ZNF521: variants seen among roughly 807,000 people sequenced by gnomAD.
ZNF521 encodes the protein LYST-interacting protein 3.
In ZNF521, 14 loss-of-function variants were observed where a neutral mutation model predicts 105.5. The ratio of observed to expected loss-of-function variants is 0.13; its 90% CI spans 0.09 to 0.21. The LOEUF (loss-of-function observed/expected upper bound fraction) is 0.21, where lower values mean the gene tolerates loss of function less well. ZNF521 is among the 10% of genes least tolerant of loss of function. ZNF521 has a pLI of 1.00. For missense variants in ZNF521, 1,233 were observed against 1,629.7 expected, an observed-to-expected ratio of 0.76 and a Z score of 4.19; for synonymous variants, 635 against 606.0, an observed-to-expected ratio of 1.05 and a Z score of -0.70.
intron 5 of ZNF521, among the ~76,000 whole-genome samples, chr18:25,160,620 G>A (rs1423611303): frequency 1.3e-5 from 2 of 152,178 alleles, no homozygotes; most frequent in Non-Finnish European, 2.9e-5. Context: ...CCACAGATAA[G>A]TTCGCGCATA....
intron 7 of ZNF521, among the ~76,000 whole-genome samples, chr18:25,075,908 G>A (rs148146552): frequency 2.0e-5 from 3 of 152,306 alleles, no homozygotes; most frequent in East Asian, 3.9e-4. Flanking sequence ...CTGCAATGCA[G>A]TGTGTGTCAG....
Position 25,225,213 on chromosome 18 carries a change from T to C in ZNF521, c.2705A>G (p.Gln902Arg), listed in dbSNP as rs1906030484. ...GAAYTMETLL[Q>R]NHQLRDHNIR... is the part of the protein sequence containing the mutation. ...GTTGTGGTCTCGGAGCTGGTGATTCTGCAGCAAAGTTTCCATAGTGTAGGC... is the reference window on the plus strand; with the variant it reads ...GTTGTGGTCTCGGAGCTGGTGATTCCGCAGCAAAGTTTCCATAGTGTAGGC... The change falls in exon 4 of 8, where the codon CAG becomes CGG. Residue 902 changes from glutamine to arginine, a missense_variant. Around this residue, in one of 6 missense-constraint regions of ZNF521, gnomAD observed 614 missense variants for 751.5 expected, o/e 0.82. Coordinates refer to ENST00000361524, the MANE Select transcript of ZNF521 (RefSeq NM_015461.3). This position sits in a 1 kb window ranked among gnomAD's most constrained non-coding sequence, Gnocchi z 5.6. 6.2e-7 allele frequency: 1 copy of C among 1,614,088 alleles called. No homozygotes were observed. Among genetic ancestry groups the C allele is most frequent in the South Asian group, 1.1e-5 (1 of 91,088 alleles).
chr18:25,218,662 ACC>A (rs1469470539), intron 4 of ZNF521, among the ~76,000 whole-genome samples: 3 of 146,208 alleles, frequency 2.1e-5, no homozygotes, highest in African/African-American at 7.8e-5. Flanking sequence ...AGAGAAAAAA[ACC>A]CGTCTCTACT....
At chr18:25,181,415 G>A (rs1288775818) in intron 5 of ZNF521, among the ~76,000 whole-genome samples, 1 of 152,138 alleles carries the variant, frequency 6.6e-6, no homozygotes, top group Non-Finnish European at 1.5e-5. Context: ...TACGGGAAAT[G>A]ACAAGCAATG....
intron 5 of ZNF521, among the ~76,000 whole-genome samples, chr18:25,106,334 C>G (rs997912638): frequency 6.6e-6 from 1 of 151,922 alleles, no homozygotes; most frequent in South Asian, 2.1e-4. Context: ...ACCAGGAAAA[C>G]CATATACTGT....
chr18:25,198,993 G>C (rs1043447598), intron 4 of ZNF521, among the ~76,000 whole-genome samples: 5 of 151,902 alleles, frequency 3.3e-5, no homozygotes, highest in African/African-American at 1.2e-4. Flanking sequence ...ACTAAGAATG[G>C]AAATGACGTG....
chr18:25,094,129 T>C (rs965246913), intron 5 of ZNF521, among the ~76,000 whole-genome samples: 2 of 152,190 alleles, frequency 1.3e-5, no homozygotes, highest in African/African-American at 4.8e-5. Context: ...ATTTTAAAAC[T>C]TGCAATAGGT....
intron 3 of ZNF521, among the ~76,000 whole-genome samples, chr18:25,317,694 T>C (rs935162041): frequency 6.6e-6 from 1 of 152,222 alleles, no homozygotes; most frequent in African/African-American, 2.4e-5. Flanking sequence ...CTGCATTTAA[T>C]GGGATTTTCC....
At chr18:25,164,552 C>T (rs1395951479) in intron 5 of ZNF521, among the ~76,000 whole-genome samples, 3 of 152,230 alleles carry the variant, frequency 2.0e-5, no homozygotes, top group Admixed American at 2.0e-4. Context: ...TTAATTTAAA[C>T]TGCATGCGGG....
At chr18:25,266,599 G>A (rs573064784) in intron 3 of ZNF521, among the ~76,000 whole-genome samples, 1 of 152,268 alleles carries the variant, frequency 6.6e-6, no homozygotes, top group South Asian at 2.1e-4. Context: ...CCGACGGAGG[G>A]CAAGCTGATG....
rs760327574 is a variant in ZNF521 at position 25,169,025 on chromosome 18, T to A, written c.3658+26135A>T. Reference sequence around the variant, plus strand: ...AAAAAGGAACTGTAACAGGTAATAGTTTCCACAATTATTCCTCCTACATTT... The same window carrying A: ...AAAAAGGAACTGTAACAGGTAATAGATTCCACAATTATTCCTCCTACATTT... On this transcript the variant is annotated intron_variant, in intron 5 of 7. Transcript: ENST00000361524. Among the ~76,000 whole-genome samples the A allele has an allele frequency of 1.3e-3, 205 of 152,204 alleles. 1 individual carries two copies. The highest frequency in any genetic ancestry group is 2.3e-3 in the Non-Finnish European group (156 of 68,016).
At chr18:25,276,725 G>A (rs986895989) in intron 3 of ZNF521, among the ~76,000 whole-genome samples, 3 of 152,174 alleles carry the variant, frequency 2.0e-5, no homozygotes, top group African/African-American at 7.2e-5. Flanking sequence ...TCGTTCATAT[G>A]CGCACGTCAC....
Position 25,157,472 on chromosome 18 carries a change from T to C in ZNF521, c.3658+37688A>G, listed in dbSNP as rs533520307. On this transcript the variant is annotated intron_variant, in intron 5 of 7. Transcript: ENST00000361524. ...TTCTTTTACTTTCTTACTCACAGAATTTATCCTAAGGAGATAATCAGAGAT... is the reference window on the plus strand; with the variant it reads ...TTCTTTTACTTTCTTACTCACAGAACTTATCCTAAGGAGATAATCAGAGAT... Among the ~76,000 whole-genome samples the C allele has an allele frequency of 2.6e-5, 4 of 152,318 alleles. No homozygotes were observed. In the South Asian group the frequency reaches 6.2e-4, roughly 24 times the overall value.
At chr18:25,328,217 G>C (rs967112599) in intron 2 of ZNF521, among the ~76,000 whole-genome samples, 8 of 152,146 alleles carry the variant, frequency 5.3e-5, no homozygotes, top group African/African-American at 1.7e-4. Context: ...TTGAAGTTTA[G>C]ACTTTCTGTG....
At chr18:25,338,755 A>G (rs1050535558) in intron 2 of ZNF521, among the ~76,000 whole-genome samples, 1 of 152,164 alleles carries the variant, frequency 6.6e-6, no homozygotes, top group Non-Finnish European at 1.5e-5. Flanking sequence ...TTGTTGATGC[A>G]CTATCACAGT....
intron 3 of ZNF521, chr18:25,315,673 CT>C (rs762171598): frequency 4.6e-5 from 7 of 152,172 alleles, no homozygotes; most frequent in Non-Finnish European, 7.3e-5. Flanking sequence ...TCTTGTTCTT[CT>C]GTATTTGACC....
rs1051185650 is a variant in ZNF521 at position 25,227,813 on chromosome 18, A to G, written c.221-116T>C. On this transcript the variant is annotated intron_variant, in intron 3 of 7. Transcript: ENST00000361524. This position sits in a 1 kb window ranked among gnomAD's most constrained non-coding sequence, Gnocchi z 5.7. ...GCCCTCTTGAATCTTTCAAGAAAAA[A>G]CAAAATGAAAAGAGAGAATATTTGA... 8 of 832,738 alleles carry G rather than the reference A, an allele frequency of 9.6e-6. No individual in the cohort carries two copies. Among genetic ancestry groups the G allele is most frequent in the African/African-American group, 6.9e-5 (4 of 58,134 alleles). The allele number at this position is 832,738 out of a possible 1,614,324, so 51.6% of individuals were successfully genotyped here. A position where few individuals can be genotyped will look rare whatever the true frequency, so the allele number is the denominator to read the frequency against.
chr18:25,296,036 A>G (rs551184295), intron 3 of ZNF521, among the ~76,000 whole-genome samples: 1 of 152,346 alleles, frequency 6.6e-6, no homozygotes, highest in East Asian at 1.9e-4. Flanking sequence ...CTTGGTTAAA[A>G]GCACTGCACA....
At chr18:25,327,844 T>G (rs1348194930) in intron 2 of ZNF521, among the ~76,000 whole-genome samples, 4 of 152,180 alleles carry the variant, frequency 2.6e-5, no homozygotes, top group African/African-American at 7.2e-5. Flanking sequence ...TTTTTATTAC[T>G]GTCAACTAAA....
Sources: gnomAD v4.1 joint callset for allele counts (sites outside exome capture counted in the v4.1 genomes callset) on GRCh38, gnomAD v4.1.1 for gene constraint, gnomAD v4.1.1 regional missense constraint, Gnocchi (gnomAD v3.1) non-coding constraint, MANE v1.5 for transcripts, NCBI Gene and HGNC (gene_info 2026-07-23, HGNC 2026-07-21) for gene names.